The following AFAP1 variants were observed in gnomAD, a reference collection of about 807,000 sequenced individuals.
AFAP1 encodes actin filament-associated protein 1.
In AFAP1, 75 loss-of-function variants were observed where a neutral mutation model predicts 93.9. That is an observed-to-expected ratio of 0.80 (90% CI 0.66 to 0.97). The LOEUF is 0.97. Among genes scored for constraint, AFAP1 ranks in the 50% least tolerant of loss-of-function variants. AFAP1 has a pLI of 0.00. For synonymous variants in AFAP1, 517 were observed against 430.7 expected (o/e 1.20, Z -2.48); for missense variants, 1,201 against 1,050.8 (o/e 1.14, Z -1.98).
intron 1 of AFAP1, among the ~76,000 whole-genome samples, chr4:7,898,854 G>T: frequency 8.6e-6 from 1 of 116,374 alleles, no homozygotes; most frequent in Non-Finnish European, 1.9e-5. Flanking sequence ...TCATATATAT[G>T]TATGTGTATA....
At chr4:7,793,120 A>G (rs1290986967) in intron 11 of AFAP1, among the ~76,000 whole-genome samples, 2 of 152,314 alleles carry the variant, frequency 1.3e-5, no homozygotes, top group African/African-American at 4.8e-5. Flanking sequence ...TGTTAAAGAA[A>G]TATTCACTGT....
At chr4:7,877,124 T>TC (rs1209194504) in intron 1 of AFAP1, among the ~76,000 whole-genome samples, 1 of 152,222 alleles carries the variant, frequency 6.6e-6, no homozygotes, top group Non-Finnish European at 1.5e-5. Context: ...GGGGTTTTTT[T>TC]CCCTCAAGGT....
intron 3 of AFAP1, among the ~76,000 whole-genome samples, chr4:7,860,117 G>A (rs1033876047): frequency 6.6e-6 from 1 of 152,146 alleles, no homozygotes; most frequent in African/African-American, 2.4e-5. Context: ...ACTCCAGCCT[G>A]GGTGACAGAG....
At chr4:7,819,325 T>G (rs1254803397) in intron 6 of AFAP1, among the ~76,000 whole-genome samples, 154 bp from the exon 7 acceptor site, 1 of 152,192 alleles carries the variant, frequency 6.6e-6, no homozygotes, top group African/African-American at 2.4e-5. Flanking sequence ...CAGGTACTCA[T>G]TTGTTCACTC....
Position 7,826,422 on chromosome 4 carries a change from G to T in AFAP1, c.727-7251C>A, listed in dbSNP as rs192518680. 2.0e-5 allele frequency among the ~76,000 whole-genome samples: 3 copies of T among 152,358 alleles called. No homozygotes were observed. The East Asian group carries it at 5.8e-4, about 29-fold the overall frequency. On this transcript the variant is annotated intron_variant, in intron 6 of 17. Coordinates refer to ENST00000420658, the MANE Select transcript of AFAP1 (RefSeq NM_001134647.2). ...CCTCCCAGGAGGCCCAGGCTTCCCA[G>T]AGCATCCACAGCTGGAGACAGAGCA... is the stretch of plus-strand genomic sequence containing the variant.
At chr4:7,850,805 GT>G (rs1714348835) in intron 4 of AFAP1, among the ~76,000 whole-genome samples, 1 of 152,246 alleles carries the variant, frequency 6.6e-6, no homozygotes, top group Admixed American at 6.5e-5. Context: ...TCTTGTGCGG[GT>G]CACTTGTGTC....
rs1718614576 is a variant in AFAP1 at position 7,798,073 on chromosome 4, T to TTGCAACTCTATTGGCTGGCTCACAGCAC, written c.1266+2368_1266+2369insGTGCTGTGAGCCAGCCAATAGAGTTGCA. 1.8e-5 allele frequency among the ~76,000 whole-genome samples: 2 copies of TTGCAACTCTATTGGCTGGCTCACAGCAC among 113,110 alleles called. 1 individual carries two copies. The highest frequency in any genetic ancestry group is 1.7e-4 in the Admixed American group (2 of 12,086). 74.2% of individuals were successfully genotyped at this position (113,110 alleles called of 152,430 possible). On this transcript the variant is annotated intron_variant, in intron 10 of 17. Transcript: ENST00000420658. Reference sequence around the variant, plus strand: ...AAAAGGATCTTGGAAAAAGTATAGATTGCAACTCTATTGGCTGGCTCACGG... The same window carrying TTGCAACTCTATTGGCTGGCTCACAGCAC: ...AAAAGGATCTTGGAAAAAGTATAGATTGCAACTCTATTGGCTGGCTCACAGCACTGCAACTCTATTGGCTGGCTCACGG...
At chr4:7,856,423 A>G (rs945044228) in intron 3 of AFAP1, among the ~76,000 whole-genome samples, 7 of 152,080 alleles carry the variant, frequency 4.6e-5, no homozygotes, top group African/African-American at 1.7e-4. Flanking sequence ...TTGTATTTTT[A>G]GTAGAGACAG....
chr4:7,917,213 T>G (rs1720132756), intron 1 of AFAP1, among the ~76,000 whole-genome samples: 1 of 152,200 alleles, frequency 6.6e-6, no homozygotes, highest in African/African-American at 2.4e-5. Context: ...TATCTTTAGC[T>G]ATCATTACCT....
At chr4:7,810,844 C>T (rs781596996) in intron 8 of AFAP1, among the ~76,000 whole-genome samples, 4 of 152,136 alleles carry the variant, frequency 2.6e-5, no homozygotes, top group South Asian at 4.1e-4. Flanking sequence ...TCATCTCCCA[C>T]GATGGAGGCC....
chr4:7,775,173 G>A, intron 14 of AFAP1: 1 of 355,164 alleles, frequency 2.8e-6, no homozygotes, highest in Non-Finnish European at 5.1e-6. Flanking sequence ...CAGATAATGG[G>A]GTAACTCAAA....
chr4:7,774,507 G>A (rs190495316), intron 15 of AFAP1: 211 of 560,108 alleles, frequency 3.8e-4, no homozygotes, highest in Admixed American at 1.1e-3. Flanking sequence ...GGTGAGCAGC[G>A]TGTGGGTCTG....
At chr4:7,851,144 G>A (rs1275311065) in intron 4 of AFAP1, among the ~76,000 whole-genome samples, 1 of 152,204 alleles carries the variant, frequency 6.6e-6, no homozygotes, top group Non-Finnish European at 1.5e-5. Context: ...ATCCTTTAGA[G>A]AGAACCATCT....
intron 4 of AFAP1, among the ~76,000 whole-genome samples, chr4:7,854,626 G>A (rs1714836691): frequency 6.6e-6 from 1 of 152,206 alleles, no homozygotes; most frequent in Non-Finnish European, 1.5e-5. Flanking sequence ...TTAGGAGACA[G>A]CGAAGGCCGG....
intron 5 of AFAP1, among the ~76,000 whole-genome samples, chr4:7,840,261 G>GGTGTGTGTGTGTGTGTGC (rs1560191503): frequency 3.6e-5 from 2 of 56,194 alleles, no homozygotes; most frequent in East Asian, 8.2e-4. Flanking sequence ...TTGTTTTTGG[G>GGTGTGTGTGTGTGTGTGC]ATGTGTGTGT....
chr4:7,827,431 G>T (rs7672185), intron 6 of AFAP1, among the ~76,000 whole-genome samples: 14,363 of 151,654 alleles, frequency 0.095, 1,278 homozygotes, highest in East Asian at 0.49. Flanking sequence ...ATTAGCTGCA[G>T]GTGGTGGCAC....
chr4:7,766,180 G>A (rs1030663955), intron 17 of AFAP1, among the ~76,000 whole-genome samples: 3 of 152,200 alleles, frequency 2.0e-5, no homozygotes, highest in African/African-American at 4.8e-5. Context: ...CTCAGACTCG[G>A]CGGAAGTGTT....
At chr4:7,807,222 G>C (rs1193540524) in intron 9 of AFAP1, among the ~76,000 whole-genome samples, 1 of 107,448 alleles carries the variant, frequency 9.3e-6, no homozygotes, top group Non-Finnish European at 1.8e-5. Flanking sequence ...AAACAAAAGA[G>C]TAGTTTCCTT....
intron 6 of AFAP1, among the ~76,000 whole-genome samples, chr4:7,836,015 G>T (rs889125242): frequency 1.3e-5 from 2 of 152,116 alleles, no homozygotes; most frequent in Non-Finnish European, 2.9e-5. Flanking sequence ...CAGAGTTCTA[G>T]GAATCAAGTT....
Sources: allele counts gnomAD v4.1 joint callset (sites outside exome capture counted in the v4.1 genomes callset), GRCh38; gene constraint gnomAD v4.1.1; transcripts MANE v1.5; gene names NCBI Gene and HGNC (gene_info 2026-07-23, HGNC 2026-07-21).